The following MPPED2 variants were observed in gnomAD, a reference collection of about 807,000 sequenced individuals.
MPPED2 encodes the protein metallophosphoesterase domain containing 2, also known as metallophosphoesterase MPPED2.
In MPPED2, 5 loss-of-function variants were observed where a neutral mutation model predicts 33.0. That is an observed-to-expected ratio of 0.15 (90% CI 0.08 to 0.32). The LOEUF (loss-of-function observed/expected upper bound fraction) is 0.32. MPPED2 is among the 10% of genes least tolerant of loss of function. MPPED2 has a pLI of 1.00. For missense variants in MPPED2, 275 were observed against 372.1 expected, an observed-to-expected ratio of 0.74 and a Z score of 2.15; for synonymous variants, 136 against 141.9, an observed-to-expected ratio of 0.96 and a Z score of 0.29.
intron 4 of MPPED2, among the ~76,000 whole-genome samples, chr11:30,462,475 C>G (rs532319001): frequency 2.6e-4 from 40 of 152,168 alleles, no homozygotes; most frequent in African/African-American, 9.6e-4. Flanking sequence ...ATGAAGATAC[C>G]AAGAGTCTTT....
In MPPED2 at chr11:30,495,367, G is replaced by A. The variant is rs756928435; in HGVS notation, c.465C>T (p.Leu155=). 3.1e-6 allele frequency: 5 copies of A among 1,614,032 alleles called. No individual in the cohort carries two copies. In the African/African-American group the frequency reaches 5.3e-5, roughly 17 times the overall value. ...KPEDFDNVQS[L]LTNSIYLQDS... The stretch of plus-strand genomic sequence containing the variant: ...CTTGTAAGTAAATACTGTTTGTCAG[G>A]AGGGACTGAACATTGTCAAAGTCCT... Residue 155 remains leucine, a synonymous_variant, in exon 4 of 7, where the codon CTC becomes CTT. Transcript: ENST00000358117.
intron 4 of MPPED2, among the ~76,000 whole-genome samples, chr11:30,492,173 T>C (rs1285279641): frequency 1.3e-5 from 2 of 152,198 alleles, no homozygotes; most frequent in Non-Finnish European, 2.9e-5. Flanking sequence ...AAACAGATCA[T>C]GCCCTGCCAC....
chr11:30,560,302 GTTTT>G (rs370373531), intron 2 of MPPED2, among the ~76,000 whole-genome samples: 3 of 144,756 alleles, frequency 2.1e-5, no homozygotes, highest in African/African-American at 7.7e-5. Flanking sequence ...TGACTAACAA[GTTTT>G]TTTTTTAAAA....
intron 4 of MPPED2, among the ~76,000 whole-genome samples, chr11:30,442,965 C>T (rs919893494): frequency 3.3e-5 from 5 of 152,086 alleles, no homozygotes; most frequent in Non-Finnish European, 5.9e-5. Flanking sequence ...TGCACGCCAG[C>T]CTGGTCGACA....
At chr11:30,541,767 AT>A (rs1391137997) in intron 2 of MPPED2, among the ~76,000 whole-genome samples, 3 of 152,060 alleles carry the variant, frequency 2.0e-5, no homozygotes, top group Non-Finnish European at 4.4e-5. Flanking sequence ...TAATTTTGGT[AT>A]TTTTATAGAG....
At chr11:30,561,714 A>AT (rs1036386619) in intron 2 of MPPED2, among the ~76,000 whole-genome samples, 3 of 152,064 alleles carry the variant, frequency 2.0e-5, no homozygotes, top group African/African-American at 7.2e-5. Context: ...GCCACCCCAC[A>AT]TTTTCCAAAA....
intron 4 of MPPED2, among the ~76,000 whole-genome samples, chr11:30,465,025 T>TA (rs1251048341): frequency 6.6e-6 from 1 of 152,182 alleles, no homozygotes; most frequent in Non-Finnish European, 1.5e-5. Flanking sequence ...GTCTGAAAAT[T>TA]AGAGTTAGTA....
At chr11:30,532,796 C>T (rs962930665) in intron 3 of MPPED2, among the ~76,000 whole-genome samples, 3 of 152,060 alleles carry the variant, frequency 2.0e-5, no homozygotes, top group African/African-American at 4.8e-5. Context: ...AAGCTGTGCT[C>T]GATTATCTGA....
intron 4 of MPPED2, among the ~76,000 whole-genome samples, chr11:30,493,062 T>C (rs1038945719): frequency 6.6e-6 from 1 of 152,190 alleles, no homozygotes; most frequent in African/African-American, 2.4e-5. Flanking sequence ...AGATATGTAC[T>C]TCCTGTACCC....
chr11:30,408,036 A>C (rs12796693), downstream of MPPED2, among the ~76,000 whole-genome samples: 26,890 of 152,136 alleles, frequency 0.18, 2,863 homozygotes, highest in Non-Finnish European at 0.24. Flanking sequence ...GATCTCCAAC[A>C]ATGAACTCAT....
chr11:30,578,151 C>T (rs1957010316), intron 2 of MPPED2, among the ~76,000 whole-genome samples: 1 of 152,024 alleles, frequency 6.6e-6, no homozygotes, highest in African/African-American at 2.4e-5. Flanking sequence ...AGTGGAGGAA[C>T]CTAAACTAGC....
chr11:30,441,205 T>C (rs1199596500), intron 4 of MPPED2: 1 of 152,212 alleles, frequency 6.6e-6, no homozygotes, highest in Non-Finnish European at 1.5e-5. Flanking sequence ...TTTTAATTAA[T>C]TAAAAGAAAT....
chr11:30,486,651 GA>G (rs1268863045), intron 4 of MPPED2, among the ~76,000 whole-genome samples: 1 of 152,148 alleles, frequency 6.6e-6, no homozygotes, highest in African/African-American at 2.4e-5. Flanking sequence ...GGCTTTCTTT[GA>G]AAACTCTCAC....
intron 4 of MPPED2, among the ~76,000 whole-genome samples, chr11:30,418,524 T>C (rs1365510054): frequency 6.6e-6 from 1 of 152,222 alleles, no homozygotes; most frequent in Non-Finnish European, 1.5e-5. Flanking sequence ...AACTAAGTAG[T>C]TCCCAGTGTT....
intron 2 of MPPED2, among the ~76,000 whole-genome samples, chr11:30,578,272 A>T (rs1957016209): frequency 6.6e-6 from 1 of 152,180 alleles, no homozygotes; most frequent in Non-Finnish European, 1.5e-5. Flanking sequence ...ACAGGGAGCC[A>T]AACTGTGTGG....
At chr11:30,425,406 T>A (rs751502272) in intron 4 of MPPED2, 20 of 152,234 alleles carry the variant, frequency 1.3e-4, no homozygotes, top group Non-Finnish European at 2.5e-4. Flanking sequence ...TGGCGTGCTC[T>A]GAATTATTAA....
At chr11:30,388,574 G>A (rs149785644) in exon 7 of MPPED2, 1 of 194,350 alleles carries the variant, frequency 5.1e-6, no homozygotes, top group East Asian at 1.2e-4. Flanking sequence ...CTGGGGTGGA[G>A]GGGGTCATCA....
At chr11:30,445,953 G>T (rs11031093) in intron 4 of MPPED2, among the ~76,000 whole-genome samples, 1 of 152,034 alleles carries the variant, frequency 6.6e-6, no homozygotes, top group Non-Finnish European at 1.5e-5. Context: ...CAGTCTTTAA[G>T]CAACTACTCT....
chr11:30,448,160 C>T (rs1949896454), intron 4 of MPPED2, among the ~76,000 whole-genome samples: 1 of 152,166 alleles, frequency 6.6e-6, no homozygotes, highest in African/African-American at 2.4e-5. Context: ...ACAAGGGCAT[C>T]ATTTTCCTAA....
Sources: allele counts gnomAD v4.1 joint callset (sites outside exome capture counted in the v4.1 genomes callset), GRCh38; gene constraint gnomAD v4.1.1; transcripts MANE v1.5; gene names NCBI Gene and HGNC (gene_info 2026-07-23, HGNC 2026-07-21).